TEX10: variants seen among roughly 807,000 people sequenced by gnomAD.
The protein encoded by TEX10 is testis expressed 10.
A neutral mutation model predicts 104.4 loss-of-function variants in TEX10; 24 were observed. The ratio of observed to expected loss-of-function variants is 0.23; its 90% CI spans 0.17 to 0.32. The LOEUF is 0.32. TEX10 is among the 10% of genes least tolerant of loss of function. The probability of loss-of-function intolerance (pLI) is 1.00; values close to 1 mark genes in which losing one functional copy is unlikely to be tolerated. For missense variants in TEX10, 921 were observed against 1,083.9 expected (o/e 0.85, Z 2.11); for synonymous variants, 396 against 393.4 (o/e 1.01, Z -0.08).
intron 4 of TEX10, among the ~76,000 whole-genome samples, chr9:100,341,238 T>C (rs563190284): frequency 6.6e-6 from 1 of 152,340 alleles, no homozygotes; most frequent in East Asian, 1.9e-4. Flanking sequence ...AGTGCTGGGA[T>C]TACAGGCGTG....
At chr9:100,307,637 T>C (rs941309681) in intron 13 of TEX10, 3 of 151,800 alleles carry the variant, frequency 2.0e-5, no homozygotes, top group Non-Finnish European at 4.4e-5. Context: ...TTTAAGGTAA[T>C]GAAGTTGATC....
At chr9:100,334,046 A>G (rs1312631590) in intron 5 of TEX10, among the ~76,000 whole-genome samples, 1 of 152,234 alleles carries the variant, frequency 6.6e-6, no homozygotes, top group Non-Finnish European at 1.5e-5. Context: ...TAGATGTAAC[A>G]TGCATTAAAT....
intron 4 of TEX10, among the ~76,000 whole-genome samples, chr9:100,345,179 C>A (rs76231396): frequency 0.011 from 1,665 of 152,230 alleles, 17 homozygotes; most frequent in African/African-American, 0.016. Context: ...CAATAAAATG[C>A]CATCTTATTT....
At chr9:100,341,250 G>A in intron 4 of TEX10, among the ~76,000 whole-genome samples, 1 of 152,218 alleles carries the variant, frequency 6.6e-6, no homozygotes, top group East Asian at 1.9e-4. Flanking sequence ...ACAGGCGTGA[G>A]CCACTGCACC....
intron 14 of TEX10, 87 bp downstream of exon 14, chr9:100,303,545 T>TCCCTCAAAACACACTTTCCC: frequency 2.1e-6 from 3 of 1,405,692 alleles, no homozygotes; most frequent in South Asian, 2.4e-5. Context: ...ATCCCTTTCC[T>TCCCTCAAAACACACTTTCCC]CCCTCAAAAC....
chr9:100,309,106 A>T (rs1369468000), intron 12 of TEX10, among the ~76,000 whole-genome samples: 1 of 152,222 alleles, frequency 6.6e-6, no homozygotes, highest in African/African-American at 2.4e-5. Context: ...CAGGTAATTA[A>T]ATGTATAAAT....
Position 100,303,753 on chromosome 9 carries a change from AC to A in TEX10, c.2554del (p.Val852LeufsTer27). The A allele has an allele frequency of 6.2e-7, 1 of 1,613,910 alleles. No individual in the cohort carries two copies. Among genetic ancestry groups the A allele is most frequent in the South Asian group, 1.1e-5 (1 of 91,062 alleles). Reference sequence around the variant, plus strand: ...CACAACAGGCAGCTCCTCAGGCCCAACTCTGTTCACCCGCAGGCTCTGCAGC... The same window carrying A: ...CACAACAGGCAGCTCCTCAGGCCCAATCTGTTCACCCGCAGGCTCTGCAGC... The part of the protein sequence containing the change: ...LMLQSLRVNR[V>X]GPEELPVVGQ... On this transcript the variant is annotated frameshift_variant, in exon 14 of 15. Transcript: ENST00000374902. LOFTEE classifies it high-confidence loss of function.
chr9:100,327,624 G>A (rs1834741486), intron 8 of TEX10, among the ~76,000 whole-genome samples, 163 bp downstream of exon 8: 1 of 151,998 alleles, frequency 6.6e-6, no homozygotes, highest in Non-Finnish European at 1.5e-5. Context: ...AATAAATATT[G>A]AAAATGAATT....
At chr9:100,328,882 A>G (rs535440762) in intron 7 of TEX10, among the ~76,000 whole-genome samples, 1 of 152,280 alleles carries the variant, frequency 6.6e-6, no homozygotes, top group African/African-American at 2.4e-5. Flanking sequence ...GGTTGTTCCA[A>G]CTGTCCCTTA....
chr9:100,303,570 G>A (rs1448721632), intron 14 of TEX10, 62 bp downstream of exon 14: 1 of 1,564,702 alleles, frequency 6.4e-7, no homozygotes, highest in South Asian at 1.1e-5. Flanking sequence ...TTTCCCCCAT[G>A]CCCCCGTCAT....
intron 10 of TEX10, among the ~76,000 whole-genome samples, chr9:100,321,217 T>C (rs1360500071): frequency 6.6e-6 from 1 of 152,206 alleles, no homozygotes; most frequent in Non-Finnish European, 1.5e-5. Context: ...TTCTGAAGTA[T>C]TTATCTTGCT....
chr9:100,351,746 C>T (rs1412630245), intron 1 of TEX10, among the ~76,000 whole-genome samples: 1 of 152,190 alleles, frequency 6.6e-6, no homozygotes, highest in African/African-American at 2.4e-5. Context: ...ATTGACCTTC[C>T]TTGACTTTTC....
At chr9:100,346,489 T>C (rs895823539) in intron 3 of TEX10, among the ~76,000 whole-genome samples, 174 bp from the exon 4 acceptor site, 3 of 152,186 alleles carry the variant, frequency 2.0e-5, no homozygotes, top group African/African-American at 7.2e-5. Context: ...CAAAAGATAT[T>C]ATCAAGTTTT....
intron 13 of TEX10, chr9:100,304,608 C>G (rs578056695): frequency 6.6e-6 from 1 of 152,206 alleles, no homozygotes; most frequent in Non-Finnish European, 1.5e-5. Context: ...CGCCTGTAAT[C>G]CCAGCACTTT....
At chr9:100,315,882 A>G (rs1327964213) in intron 11 of TEX10, among the ~76,000 whole-genome samples, 6 of 152,206 alleles carry the variant, frequency 3.9e-5, no homozygotes, top group African/African-American at 1.4e-4. Flanking sequence ...GTCACGATGA[A>G]GTCCTTTCTG....
At position 100,303,592 on chromosome 9, in the gene TEX10, T is replaced by C. The variant is rs775897311; in HGVS notation, c.2676+40A>G. ...CATGCCCCCGTCATAAATTCATTCT[T>C]ATGCTAATACTGCAAAGCCTCCGGT... On this transcript the variant is annotated intron_variant, in intron 14 of 14. Transcript: ENST00000374902. The C allele has an allele frequency of 2.5e-6, 4 of 1,605,286 alleles. No homozygotes were observed. The Admixed American group carries it at 6.7e-5, about 27-fold the overall frequency.
At chr9:100,319,816 A>C (rs1834520580) in intron 11 of TEX10, among the ~76,000 whole-genome samples, 1 of 152,134 alleles carries the variant, frequency 6.6e-6, no homozygotes, top group African/African-American at 2.4e-5. Context: ...CAAAAAAATA[A>C]AATAAAATAA....
At chr9:100,326,664 C>T (rs1309865403) in intron 8 of TEX10, among the ~76,000 whole-genome samples, 185 bp from the exon 9 acceptor site, 1 of 152,048 alleles carries the variant, frequency 6.6e-6, no homozygotes, top group Non-Finnish European at 1.5e-5. Flanking sequence ...GCTTGTTAAG[C>T]TACTGCATAA....
chr9:100,320,857 T>C (rs748873846), intron 10 of TEX10, among the ~76,000 whole-genome samples: 8 of 152,350 alleles, frequency 5.3e-5, no homozygotes, highest in Non-Finnish European at 1.0e-4. Flanking sequence ...AATACATGTA[T>C]AGTTCATTCA....
Sources: gnomAD v4.1 joint callset for allele counts (sites outside exome capture counted in the v4.1 genomes callset) on GRCh38, gnomAD v4.1.1 for gene constraint, MANE v1.5 for transcripts, NCBI Gene and HGNC (gene_info 2026-07-23, HGNC 2026-07-21) for gene names.